Variants in BTBD7 observed in about 807,000 individuals in gnomAD.
BTBD7 encodes the protein BTB domain containing 7, also known as BTB/POZ domain-containing protein 7.
In BTBD7, 38 loss-of-function variants were observed where a neutral mutation model predicts 99.9. The ratio of observed to expected loss-of-function variants is 0.38; its 90% CI spans 0.29 to 0.50. The LOEUF is 0.50. BTBD7 is among the 20% of genes least tolerant of loss of function. The pLI, the probability that BTBD7 is intolerant of heterozygous loss-of-function variation, is 0.93. For missense variants in BTBD7, 1,170 were observed against 1,394.6 expected, an observed-to-expected ratio of 0.84 and a Z score of 2.57; for synonymous variants, 520 against 511.4, an observed-to-expected ratio of 1.02 and a Z score of -0.23.
chr14:93,243,234 C>T, intron 10 of BTBD7, 146 bp from the exon 11 acceptor site: 1 of 774,620 alleles, frequency 1.3e-6, no homozygotes, highest in Non-Finnish European at 2.0e-6. Flanking sequence ...CGCTCTGTCG[C>T]CCGGGCTGGA....
chr14:93,295,176 A>G (rs1245038542), intron 2 of BTBD7, among the ~76,000 whole-genome samples: 1 of 152,206 alleles, frequency 6.6e-6, no homozygotes, highest in Non-Finnish European at 1.5e-5. Context: ...TGGGAAGATC[A>G]TAGCTCACTG....
At chr14:93,264,752 A>G (rs1028982439) in intron 3 of BTBD7, among the ~76,000 whole-genome samples, 7 of 152,190 alleles carry the variant, frequency 4.6e-5, no homozygotes, top group Non-Finnish European at 8.8e-5. Flanking sequence ...TTACTATAAA[A>G]CAAAAAACAA....
chr14:93,330,468 T>C (rs1164055984), intron 1 of BTBD7, among the ~76,000 whole-genome samples: 2 of 152,332 alleles, frequency 1.3e-5, no homozygotes, highest in East Asian at 3.9e-4. Context: ...CTTTGGACTC[T>C]TGGGGTCTCA....
intron 8 of BTBD7, 100 bp downstream of exon 8, chr14:93,251,363 G>T: frequency 1.6e-6 from 2 of 1,226,762 alleles, no homozygotes; most frequent in Non-Finnish European, 2.2e-6. Flanking sequence ...GTATTGAAAT[G>T]TGGAGAGAAT....
intron 3 of BTBD7, among the ~76,000 whole-genome samples, chr14:93,265,064 A>G (rs1175449358): frequency 2.6e-5 from 4 of 152,156 alleles, no homozygotes; most frequent in Non-Finnish European, 5.9e-5. Context: ...TCGTGTCACT[A>G]CACTCCAGCC....
At position 93,246,138 on chromosome 14, in the gene BTBD7, G is replaced by A. The variant is rs765611364; in HGVS notation, c.2270C>T (p.Pro757Leu). ...DLDSFVAFHP[P>L]LPPPPPPYHP... ...GTAGGGAGGTGGTGGAGGGGGCAAG[G>A]GTGGATGGAAGGCCACAAAAGAGTC... The change falls in exon 10 of 11, where the codon CCC becomes CTC. Residue 757 changes from proline (P) to leucine (L), a missense_variant. Pro to Leu is a moderately conservative substitution (Grantham distance 98). Around this residue, in one of 4 missense-constraint regions of BTBD7, gnomAD observed 495 missense variants for 525.9 expected, o/e 0.94. Coordinates refer to ENST00000334746, the MANE Select transcript of BTBD7 (RefSeq NM_001002860.4). 6.2e-7 allele frequency: 1 copy of A among 1,614,014 alleles called. No individual in the cohort carries two copies. Among genetic ancestry groups the A allele is most frequent in the African/African-American group, 1.3e-5 (1 of 74,984 alleles).
intron 3 of BTBD7, among the ~76,000 whole-genome samples, chr14:93,276,466 T>G (rs2052657277): frequency 1.3e-5 from 2 of 152,154 alleles, no homozygotes; most frequent in Non-Finnish European, 2.9e-5. Context: ...GAATACCATG[T>G]TGAATTCTGT....
chr14:93,243,819 G>GT lies in BTBD7; in HGVS notation c.2584-732dup, dbSNP rs757335584. Among the ~76,000 whole-genome samples, 9 of 152,294 alleles carry GT rather than the reference G, an allele frequency of 5.9e-5. No homozygotes were observed. The East Asian group carries it at 1.5e-3, about 26-fold the overall frequency. On this transcript the variant is annotated intron_variant, in intron 10 of 10. Coordinates refer to ENST00000334746, the MANE Select transcript of BTBD7 (RefSeq NM_001002860.4). ...GACAAATAAATTACCTTTAAAGGGA[G>GT]TTTTATTTAAAATATAAAGTAGTAG...
At position 93,245,850 on chromosome 14, in the gene BTBD7, G is replaced by C; in HGVS notation, c.2558C>G (p.Ala853Gly). 3 of 1,613,174 alleles carry C rather than the reference G, an allele frequency of 1.9e-6. No individual in the cohort carries two copies. Among genetic ancestry groups the C allele is most frequent in the Non-Finnish European group, 2.5e-6 (3 of 1,179,508 alleles). The change falls in exon 10 of 11, where the codon GCA becomes GGA. Residue 853 changes from alanine to glycine, a missense_variant. Coordinates refer to ENST00000334746, the MANE Select transcript of BTBD7 (RefSeq NM_001002860.4). ...ATTTSTATAA[A>G]AAASEKQVRT... ...CACTTGCTTCTCAGATGCTGCTGCT[G>C]CTGCTGCTGTTGCTGTTGAGGTGGT...
chr14:93,329,113 A>C (rs2053368377), intron 1 of BTBD7, among the ~76,000 whole-genome samples: 1 of 152,196 alleles, frequency 6.6e-6, no homozygotes, highest in South Asian at 2.1e-4. Context: ...ATGGGAGAAA[A>C]CATTTGCAAA....
chr14:93,311,908 G>A (rs1281904622), intron 1 of BTBD7, among the ~76,000 whole-genome samples: 1 of 145,676 alleles, frequency 6.9e-6, no homozygotes, highest in African/African-American at 2.6e-5. Context: ...TTTAGTCATT[G>A]CATTTTTAAC....
At chr14:93,250,004 C>G (rs768076103) in intron 8 of BTBD7, among the ~76,000 whole-genome samples, 6 of 152,298 alleles carry the variant, frequency 3.9e-5, no homozygotes, top group Non-Finnish European at 5.9e-5. Flanking sequence ...TTAAATCCTC[C>G]TAATTCTTGA....
chr14:93,313,548 G>C (rs911749354), intron 1 of BTBD7, among the ~76,000 whole-genome samples: 1 of 151,940 alleles, frequency 6.6e-6, no homozygotes, highest in African/African-American at 2.4e-5. Flanking sequence ...ACTAATATAT[G>C]CAACAATCGA....
chr14:93,295,025 A>T (rs1303599114), intron 2 of BTBD7, 88 bp from the exon 3 acceptor site: 12 of 1,312,878 alleles, frequency 9.1e-6, no homozygotes, highest in Non-Finnish European at 9.1e-6. Context: ...AAAATTCTGT[A>T]AGCAGACATT....
At chr14:93,332,625 C>A (rs1364635301) in intron 1 of BTBD7, among the ~76,000 whole-genome samples, 195 bp downstream of exon 1, 1 of 151,696 alleles carries the variant, frequency 6.6e-6, no homozygotes, top group Admixed American at 6.6e-5. Context: ...ACCGGCCAGT[C>A]CGGCGCCGCC....
intron 5 of BTBD7, among the ~76,000 whole-genome samples, chr14:93,258,496 A>T (rs999545000): frequency 2.0e-5 from 3 of 152,188 alleles, no homozygotes; most frequent in Admixed American, 6.5e-5. Context: ...TGACTGAAAC[A>T]AAGCTATGGC....
chr14:93,309,273 C>G (rs2053109686), intron 1 of BTBD7, among the ~76,000 whole-genome samples: 1 of 152,080 alleles, frequency 6.6e-6, no homozygotes, highest in South Asian at 2.1e-4. Context: ...AAAGTAGAGA[C>G]TTTAAAGTGA....
intron 3 of BTBD7, among the ~76,000 whole-genome samples, chr14:93,287,280 A>T (rs774064736): frequency 4.0e-4 from 60 of 151,760 alleles, no homozygotes; most frequent in Non-Finnish European, 7.9e-4. Flanking sequence ...CTCATCATTT[A>T]AAAAGTCTGG....
Position 93,294,641 on chromosome 14 carries a change from T to G in BTBD7, c.379A>C (p.Thr127Pro), listed in dbSNP as rs973283397. The change falls in exon 3 of 11, where the codon ACA becomes CCA. Residue 127 changes from threonine (T) to proline (P), a missense_variant. By Grantham distance (38) the Thr-to-Pro change is conservative. Around this residue, in one of 4 missense-constraint regions of BTBD7, gnomAD observed 359 missense variants for 497.9 expected, o/e 0.72. Coordinates refer to ENST00000334746, the MANE Select transcript of BTBD7 (RefSeq NM_001002860.4). The part of the protein sequence containing the change: ...QASLARPEAR[T>P]LQKDMADLYE... The stretch of plus-strand genomic sequence containing the variant: ...AGATCAGCCATATCTTTCTGCAATG[T>G]CCGGGCTTCTGGTCTAGCCAAACTG... The G allele has an allele frequency of 1.2e-6, 2 of 1,614,130 alleles. No individual in the cohort carries two copies. Among genetic ancestry groups the G allele is most frequent in the African/African-American group, 1.3e-5 (1 of 75,062 alleles).
Sources: gnomAD v4.1 joint callset for allele counts (sites outside exome capture counted in the v4.1 genomes callset) on GRCh38, gnomAD v4.1.1 for gene constraint, gnomAD v4.1.1 regional missense constraint, MANE v1.5 for transcripts, NCBI Gene and HGNC (gene_info 2026-07-23, HGNC 2026-07-21) for gene names.